ZBTB16: variants seen among roughly 807,000 people sequenced by gnomAD.
ZBTB16 encodes zinc finger and BTB domain containing 16.
In ZBTB16, 8 loss-of-function variants were observed where a neutral mutation model predicts 56.8. The ratio of observed to expected loss-of-function variants is 0.14; its 90% CI spans 0.08 to 0.25. The LOEUF is 0.25. ZBTB16 is among the 10% of genes least tolerant of loss of function. ZBTB16 has a pLI of 1.00. For synonymous variants in ZBTB16, 363 were observed against 368.5 expected, an observed-to-expected ratio of 0.98 and a Z score of 0.17; for missense variants, 625 against 903.0, an observed-to-expected ratio of 0.69 and a Z score of 3.95.
intron 2 of ZBTB16, among the ~76,000 whole-genome samples, chr11:114,128,697 T>A (rs944210499): frequency 1.3e-5 from 2 of 152,260 alleles, no homozygotes; most frequent in South Asian, 2.1e-4. Flanking sequence ...GAAGTTCAGG[T>A]CCTCAGAGAC....
chr11:114,234,993 A>G (rs1336007513), intron 4 of ZBTB16, among the ~76,000 whole-genome samples: 1 of 152,132 alleles, frequency 6.6e-6, no homozygotes, highest in Non-Finnish European at 1.5e-5. Context: ...AGGAAAGAGT[A>G]ATCCCCCAGG....
intron 2 of ZBTB16, among the ~76,000 whole-genome samples, chr11:114,087,382 C>T (rs1939997126): frequency 6.6e-6 from 1 of 151,778 alleles, no homozygotes; most frequent in African/African-American, 2.4e-5. Flanking sequence ...CCAGTAGCCT[C>T]ACGGGCACAC....
At chr11:114,122,663 T>G (rs957251953) in intron 2 of ZBTB16, among the ~76,000 whole-genome samples, 2 of 152,174 alleles carry the variant, frequency 1.3e-5, no homozygotes, top group African/African-American at 4.8e-5. Context: ...TTGTTTAGTC[T>G]TTGCACGTAT....
chr11:114,146,131 G>A (rs149523860), intron 2 of ZBTB16, among the ~76,000 whole-genome samples: 254 of 152,250 alleles, frequency 1.7e-3, no homozygotes, highest in Non-Finnish European at 3.0e-3. Flanking sequence ...GGCATGAGTC[G>A]GCTTGCCTTC....
intron 4 of ZBTB16, among the ~76,000 whole-genome samples, chr11:114,220,013 T>C (rs548061601): frequency 2.0e-4 from 30 of 152,342 alleles, no homozygotes; most frequent in African/African-American, 7.0e-4. Context: ...CCAGAGCTCT[T>C]TGTCCCAGAC....
At chr11:114,067,662 C>T (rs1202314739) in intron 2 of ZBTB16, among the ~76,000 whole-genome samples, 1 of 152,170 alleles carries the variant, frequency 6.6e-6, no homozygotes, top group Non-Finnish European at 1.5e-5. Context: ...CTGTCTCGGC[C>T]TCCCATAGTG....
At chr11:114,085,800 T>C (rs1162850786) in intron 2 of ZBTB16, among the ~76,000 whole-genome samples, 1 of 151,946 alleles carries the variant, frequency 6.6e-6, no homozygotes, top group Admixed American at 6.6e-5. Flanking sequence ...TGGGGTAGGA[T>C]GGGAGATCAA....
At chr11:114,210,007 A>C in intron 4 of ZBTB16, 1 of 973,834 alleles carries the variant, frequency 1.0e-6, no homozygotes, top group East Asian at 1.1e-4. Context: ...TTGTCCTTTC[A>C]GAAGCTTGGT....
chr11:114,130,227 C>T lies in ZBTB16; in HGVS notation c.1269-26110C>T, dbSNP rs144443336. Among the ~76,000 whole-genome samples the T allele has an allele frequency of 5.9e-3, 902 of 152,288 alleles. 16 individuals carry two copies. Among genetic ancestry groups the T allele is most frequent in the Admixed American group, 0.032 (483 of 15,294 alleles). On this transcript the variant is annotated intron_variant, in intron 2 of 6. Transcript: ENST00000335953. ...TGATCCCTGAGAAGACTGCATCATC[C>T]AGGTGACCGCCTAGAGCCTTAGGGA...
chr11:114,167,226 T>TTTG (rs1565663079), intron 3 of ZBTB16, among the ~76,000 whole-genome samples: 1 of 80,506 alleles, frequency 1.2e-5, no homozygotes. Flanking sequence ...GTTTTTTTTT[T>TTTG]TTTTGGTTTT....
chr11:114,136,439 A>T (rs1941799776), intron 2 of ZBTB16, among the ~76,000 whole-genome samples: 1 of 152,198 alleles, frequency 6.6e-6, no homozygotes, highest in Non-Finnish European at 1.5e-5. Flanking sequence ...TCAGTAGGAA[A>T]GAGCATCTTA....
chr11:114,078,646 A>G (rs1034255709), intron 2 of ZBTB16, among the ~76,000 whole-genome samples: 2 of 152,156 alleles, frequency 1.3e-5, no homozygotes, highest in African/African-American at 4.8e-5. Context: ...TGAAACAGCT[A>G]GCTCAAAGTC....
intron 2 of ZBTB16, among the ~76,000 whole-genome samples, chr11:114,119,914 T>C (rs892609794): frequency 1.3e-5 from 2 of 152,062 alleles, no homozygotes; most frequent in Non-Finnish European, 2.9e-5. Context: ...GCTGCCTCCT[T>C]CTAGCATTCA....
At chr11:114,102,789 A>C (rs530812477) in intron 2 of ZBTB16, among the ~76,000 whole-genome samples, 2 of 152,298 alleles carry the variant, frequency 1.3e-5, no homozygotes, top group African/African-American at 4.8e-5. Context: ...TATTCCAGAA[A>C]AAAGGCCAAT....
chr11:114,107,811 T>C lies in ZBTB16; in HGVS notation c.1268+43243T>C, dbSNP rs182814854. Among the ~76,000 whole-genome samples, 6 of 152,248 alleles carry C rather than the reference T, an allele frequency of 3.9e-5. No homozygotes were observed. In the East Asian group the frequency reaches 1.2e-3, roughly 29 times the overall value. On this transcript the variant is annotated intron_variant, in intron 2 of 6. Coordinates refer to ENST00000335953, the MANE Select transcript of ZBTB16 (RefSeq NM_006006.6). ...TGGGCTGAGAAGAGTGGAGCTTGGA[T>C]TGGAGATGATGTGCAGTCTACATTT...
intron 3 of ZBTB16, among the ~76,000 whole-genome samples, chr11:114,182,399 G>A (rs1275421293): frequency 6.6e-6 from 1 of 152,076 alleles, no homozygotes; most frequent in Non-Finnish European, 1.5e-5. Flanking sequence ...CACCTGGCCT[G>A]TTTTGTATTT....
chr11:114,158,866 G>A (rs1387767394), intron 3 of ZBTB16, among the ~76,000 whole-genome samples: 1 of 152,232 alleles, frequency 6.6e-6, no homozygotes, highest in Non-Finnish European at 1.5e-5. Flanking sequence ...AGTGAATGAT[G>A]CAGCCTGGGA....
chr11:114,253,445 C>T lies in ZBTB16; in HGVS notation c.*2890C>T, dbSNP rs1944950012. Among the ~76,000 whole-genome samples the T allele has an allele frequency of 6.6e-6, 1 of 152,192 alleles. No individual in the cohort carries two copies. The highest frequency in any genetic ancestry group is 2.1e-4 in the South Asian group (1 of 4,834). On this transcript the variant is annotated 3_prime_UTR_variant, in exon 7 of 7. Coordinates refer to ENST00000335953, the MANE Select transcript of ZBTB16 (RefSeq NM_006006.6). ...AAAATCCACCACCACCAAAATATCC[C>T]TTTGTACATGTATGTGCGTGTGCGC...
chr11:114,205,527 G>T (rs568366806), intron 4 of ZBTB16, among the ~76,000 whole-genome samples: 1 of 152,318 alleles, frequency 6.6e-6, no homozygotes, highest in South Asian at 2.1e-4. Flanking sequence ...ATCCATTACA[G>T]ATTGGAAATG....
Sources: allele counts gnomAD v4.1 joint callset (sites outside exome capture counted in the v4.1 genomes callset), GRCh38; gene constraint gnomAD v4.1.1; transcripts MANE v1.5; gene names NCBI Gene and HGNC (gene_info 2026-07-23, HGNC 2026-07-21).